The following LRMDA variants were observed in gnomAD, a reference collection of about 807,000 sequenced individuals.
LRMDA encodes leucine rich melanocyte differentiation associated, also known as leucine-rich melanocyte differentiation-associated protein.
LRMDA carries 18 observed loss-of-function variants against 29.8 expected under a neutral mutation model. The ratio of observed to expected loss-of-function variants is 0.60; its 90% CI spans 0.42 to 0.90. LRMDA has a LOEUF of 0.90. Among genes scored for constraint, LRMDA ranks in the 40% least tolerant of loss-of-function variants. LRMDA has a pLI of 0.00. For missense variants in LRMDA, 273 were observed against 273.9 expected (o/e 1.00, Z 0.02); for synonymous variants, 125 against 109.4 (o/e 1.14, Z -0.89).
chr10:75,826,195 G>A (rs1317985380), intron 2 of LRMDA, among the ~76,000 whole-genome samples: 6 of 152,168 alleles, frequency 3.9e-5, no homozygotes, highest in Non-Finnish European at 5.9e-5. Context: ...AAAAGGAATC[G>A]TAGGAGACGT....
chr10:76,478,462 G>A (rs1399538578), intron 6 of LRMDA, among the ~76,000 whole-genome samples: 1 of 152,150 alleles, frequency 6.6e-6, no homozygotes, highest in Non-Finnish European at 1.5e-5. Context: ...CTGTAAACTA[G>A]TTCAACCATT....
chr10:76,067,120 G>A (rs2132064190), intron 5 of LRMDA, among the ~76,000 whole-genome samples: 1 of 152,320 alleles, frequency 6.6e-6, no homozygotes, highest in African/African-American at 2.4e-5. Flanking sequence ...GCTGATGGCT[G>A]TCAGAGACCC....
chr10:76,138,828 C>T (rs574882491), intron 5 of LRMDA, among the ~76,000 whole-genome samples: 24 of 152,196 alleles, frequency 1.6e-4, no homozygotes, highest in Middle Eastern at 3.4e-3. Flanking sequence ...TATGCATTCA[C>T]TTTGGAGACT....
intron 2 of LRMDA, among the ~76,000 whole-genome samples, chr10:76,001,250 C>A (rs1847558235): frequency 6.6e-6 from 1 of 152,194 alleles, no homozygotes; most frequent in African/African-American, 2.4e-5. Flanking sequence ...ACAACAAACA[C>A]AAACAAATAA....
At chr10:75,508,946 A>C (rs1845196931) in intron 2 of LRMDA, among the ~76,000 whole-genome samples, 1 of 152,214 alleles carries the variant, frequency 6.6e-6, no homozygotes, top group Admixed American at 6.5e-5. Flanking sequence ...CTTAGATTCC[A>C]TGTGGTTGAT....
intron 2 of LRMDA, among the ~76,000 whole-genome samples, chr10:75,583,671 C>T (rs1406517406): frequency 2.6e-5 from 4 of 152,176 alleles, no homozygotes; most frequent in African/African-American, 9.7e-5. Flanking sequence ...TGCCTTTCCT[C>T]CTGCCCACCA....
intron 2 of LRMDA, among the ~76,000 whole-genome samples, chr10:76,028,423 T>C (rs1589294463): frequency 6.6e-6 from 1 of 152,310 alleles, no homozygotes; most frequent in East Asian, 1.9e-4. Context: ...TTTTAATTTT[T>C]TCGAGTAAAT....
intron 6 of LRMDA, among the ~76,000 whole-genome samples, chr10:76,357,057 A>G (rs896081390): frequency 6.6e-6 from 1 of 152,208 alleles, no homozygotes; most frequent in Non-Finnish European, 1.5e-5. Context: ...GGCAAGTGCA[A>G]AACAAAAAAT....
chr10:76,471,975 A>G (rs925978083), intron 6 of LRMDA, among the ~76,000 whole-genome samples: 5 of 151,786 alleles, frequency 3.3e-5, no homozygotes, highest in African/African-American at 1.2e-4. Flanking sequence ...TTCAACAATA[A>G]TAGTTGTAGT....
At chr10:75,504,884 GA>G (rs541431481) in intron 2 of LRMDA, among the ~76,000 whole-genome samples, 4 of 152,196 alleles carry the variant, frequency 2.6e-5, no homozygotes, top group Non-Finnish European at 5.9e-5. Context: ...TTTGTGTCTA[GA>G]AAAAAATCAC....
At chr10:76,359,924 A>T (rs942066174) in intron 6 of LRMDA, among the ~76,000 whole-genome samples, 1 of 152,156 alleles carries the variant, frequency 6.6e-6, no homozygotes, top group Non-Finnish European at 1.5e-5. Context: ...TTCTTGAATT[A>T]GTTATTAATC....
At chr10:75,735,337 G>A (rs1259725024) in intron 2 of LRMDA, among the ~76,000 whole-genome samples, 2 of 152,158 alleles carry the variant, frequency 1.3e-5, no homozygotes, top group Non-Finnish European at 2.9e-5. Flanking sequence ...GTAGAGGGTG[G>A]CAGACCACAG....
intron 1 of LRMDA, among the ~76,000 whole-genome samples, chr10:75,435,524 T>C (rs911247792): frequency 6.6e-6 from 1 of 152,256 alleles, no homozygotes; most frequent in Admixed American, 6.5e-5. Flanking sequence ...ACAGGAGTTA[T>C]CTAAGCATGC....
chr10:76,148,461 G>A (rs1347879490), intron 5 of LRMDA, among the ~76,000 whole-genome samples: 5 of 152,124 alleles, frequency 3.3e-5, no homozygotes, highest in African/African-American at 7.2e-5. Context: ...AGCAATGAGC[G>A]ACACACGGTG....
intron 6 of LRMDA, among the ~76,000 whole-genome samples, chr10:76,391,325 C>T (rs771156647): frequency 6.6e-6 from 1 of 152,314 alleles, no homozygotes; most frequent in South Asian, 2.1e-4. Flanking sequence ...ATGTCCCTGA[C>T]AGATAGCCTA....
At chr10:75,610,424 A>T (rs1841013357) in intron 2 of LRMDA, among the ~76,000 whole-genome samples, 1 of 151,496 alleles carries the variant, frequency 6.6e-6, no homozygotes, top group Admixed American at 6.6e-5. Flanking sequence ...ACTTCCCTAC[A>T]CCCCACATGT....
chr10:75,522,975 A>G (rs1845377404), intron 2 of LRMDA, among the ~76,000 whole-genome samples: 1 of 152,128 alleles, frequency 6.6e-6, no homozygotes, highest in Admixed American at 6.5e-5. Context: ...AGGAGATGGC[A>G]TTTGCTCAGC....
chr10:76,179,491 A>G (rs957568067), intron 5 of LRMDA, among the ~76,000 whole-genome samples: 4 of 152,086 alleles, frequency 2.6e-5, no homozygotes, highest in African/African-American at 9.7e-5. Flanking sequence ...GCAAGGACAC[A>G]TGACAGGAGG....
chr10:76,542,323 T>C (rs1268544323), intron 6 of LRMDA, among the ~76,000 whole-genome samples: 1 of 152,198 alleles, frequency 6.6e-6, no homozygotes, highest in Non-Finnish European at 1.5e-5. Context: ...ATATGGCCGC[T>C]CAATTTTTTT....
Sources: allele counts gnomAD v4.1 joint callset (sites outside exome capture counted in the v4.1 genomes callset), GRCh38; gene constraint gnomAD v4.1.1; transcripts MANE v1.5; gene names NCBI Gene and HGNC (gene_info 2026-07-23, HGNC 2026-07-21).